The following ROBO3 variants were observed in gnomAD, a reference collection of about 807,000 sequenced individuals.
ROBO3 encodes roundabout guidance receptor 3.
A neutral mutation model predicts 160.5 loss-of-function variants in ROBO3; 97 were observed. The ratio of observed to expected loss-of-function variants is 0.60; its 90% CI spans 0.51 to 0.72. The LOEUF is 0.72. Ranked by LOEUF, ROBO3 falls within the 30% of genes least tolerant of loss-of-function variation. ROBO3 has a pLI of 0.00. For synonymous variants in ROBO3, 780 were observed against 746.2 expected (o/e 1.05, Z -0.74); for missense variants, 1,858 against 1,846.5 (o/e 1.01, Z -0.11).
Position 124,870,203 on chromosome 11 carries a change from G to C in ROBO3, c.805G>C (p.Val269Leu). The C allele has an allele frequency of 6.2e-7, 1 of 1,614,046 alleles. No homozygotes were observed. The highest frequency in any genetic ancestry group is 1.3e-5 in the African/African-American group (1 of 75,064). The change falls in exon 5 of 28, where the codon GTC becomes CTC. Residue 269 changes from valine (V) to leucine (L), a missense_variant. Val to Leu is a conservative substitution (Grantham distance 32). Transcript: ENST00000397801. ...CCTGCGCAGACCAGTGAATCAGGTGGTCCTGGCTGATGCCCCTGTGACTTT... is the reference window on the plus strand; with the variant it reads ...CCTGCGCAGACCAGTGAATCAGGTGCTCCTGGCTGATGCCCCTGTGACTTT... ...SFLRRPVNQV[V>L]LADAPVTFLC... is the part of the protein sequence containing the mutation.
chr11:124,879,393 C>T, intron 24 of ROBO3, 52 bp downstream of exon 24: 4 of 1,605,662 alleles, frequency 2.5e-6, no homozygotes, highest in Non-Finnish European at 3.4e-6. Flanking sequence ...GTGCTTGCTT[C>T]CCCTTCACCC....
At position 124,872,539 on chromosome 11, in the gene ROBO3, G is replaced by T. The variant is rs781501995; in HGVS notation, c.1317G>T (p.Leu439=). 1.2e-6 allele frequency: 2 copies of T among 1,613,286 alleles called. No homozygotes were observed. Among genetic ancestry groups the T allele is most frequent in the East Asian group, 4.5e-5 (2 of 44,866 alleles). Residue 439 remains leucine (L), a synonymous_variant, in exon 8 of 28, where the codon CTG becomes CTT. Transcript: ENST00000397801. The surrounding 1 kb of genome is among the most constrained non-coding windows in gnomAD (Gnocchi z 4.3). The part of the protein sequence containing the change: ...VAGSILAKAL[L]EIKGASLDGL... The stretch of plus-strand genomic sequence containing the variant: ...GCAGCATCCTGGCCAAGGCCCTGCT[G>T]GAGATAAAAGGAGGTACGTGCCCAT...
chr11:124,879,001 TG>T, intron 23 of ROBO3, 188 bp from the exon 24 acceptor site: 2 of 764,332 alleles, frequency 2.6e-6, no homozygotes, highest in Non-Finnish European at 4.2e-6. Flanking sequence ...CTTGCTGGAG[TG>T]GTCAGCACTC....
chr11:124,875,812 G>A, intron 15 of ROBO3, 127 bp downstream of exon 15: 5 of 1,448,410 alleles, frequency 3.5e-6, no homozygotes, highest in East Asian at 2.3e-5. Flanking sequence ...ATGAGTTTAG[G>A]GGAGAAGAGA....
In ROBO3 at chr11:124,877,992, C is replaced by A. The variant is rs568538420; in HGVS notation, c.3042C>A (p.Gly1014=). 6.2e-7 allele frequency: 1 copy of A among 1,611,338 alleles called. No homozygotes were observed. The highest frequency in any genetic ancestry group is 8.5e-7 in the Non-Finnish European group (1 of 1,178,820). ...AQTARGTAAP[G]EGPVYSTIDP... is the part of the protein sequence containing the mutation. Reference sequence around the variant, plus strand: ...CGGCCAGGGGCACGGCCGCCCCTGGCGAGGGTCCTGTCTATAGCACCATTG... The same window carrying A: ...CGGCCAGGGGCACGGCCGCCCCTGGAGAGGGTCCTGTCTATAGCACCATTG... The change falls in exon 21 of 28, where the codon GGC becomes GGA. Residue 1014 remains glycine (G), a synonymous_variant. Transcript: ENST00000397801.
At chr11:124,880,709 G>T (rs1258128266) in intron 27 of ROBO3, 101 bp downstream of exon 27, 1 of 1,425,642 alleles carries the variant, frequency 7.0e-7, no homozygotes, top group African/African-American at 1.4e-5. Context: ...TTGTGGAGGA[G>T]TGTCAAAAGG....
At chr11:124,879,416 C>T (rs1273394143) in intron 24 of ROBO3, 49 bp from the exon 25 acceptor site, 4 of 1,608,650 alleles carry the variant, frequency 2.5e-6, no homozygotes, top group Admixed American at 3.4e-5. Flanking sequence ...AGGCCTTTTT[C>T]CTGATTTTTG....
chr11:124,873,585 A>G lies in ROBO3; in HGVS notation c.1619-112A>G. 9.1e-7 allele frequency: 1 copy of G among 1,100,484 alleles called. No homozygotes were observed. Among genetic ancestry groups the G allele is most frequent in the Non-Finnish European group, 1.3e-6 (1 of 770,062 alleles). The allele number at this position is 1,100,484 out of a possible 1,614,324, so 68.2% of individuals were successfully genotyped here. A position where few individuals can be genotyped will look rare whatever the true frequency, so the allele number is the denominator to read the frequency against. On this transcript the variant is annotated intron_variant, in intron 10 of 27. Transcript: ENST00000397801. The surrounding 1 kb of genome is among the most constrained non-coding windows in gnomAD (Gnocchi z 4.5). Reference sequence around the variant, plus strand: ...AGTAGGGGTTCATATACTATAGCCCACTCTGACCATCACCGCAGCTCAGAG... The same window carrying G: ...AGTAGGGGTTCATATACTATAGCCCGCTCTGACCATCACCGCAGCTCAGAG...
rs868359557 is a variant in ROBO3 at position 124,870,271 on chromosome 11, G to A, written c.873G>A (p.Trp291Ter). The change falls in exon 5 of 28, where the codon TGG becomes TGA. Residue 291 changes from tryptophan to a stop codon, truncating the protein, a stop_gained. Transcript: ENST00000397801. LOFTEE classifies it high-confidence loss of function. The stretch of plus-strand genomic sequence containing the variant: ...GGGATCCCCCACCTCGTCTACGCTG[G>A]CGCAAGGAGGATGGGGAACTGCCCA... Reference protein sequence around the residue: ...VKGDPPPRLRWRKEDGELPTG... With the variant: ...VKGDPPPRLR 1.2e-6 allele frequency: 2 copies of A among 1,614,038 alleles called. No homozygotes were observed. The highest frequency in any genetic ancestry group is 3.3e-5 in the Admixed American group (2 of 60,032).
In ROBO3 at chr11:124,865,826, C is replaced by T. The variant is rs569578786; in HGVS notation, c.160+89C>T. ...GAAGGGAAGGAGAAGCGCTCCTGTC[C>T]CGAGGTCCGGGATTGAGTGGCGCCT... is the stretch of plus-strand genomic sequence containing the variant. On this transcript the variant is annotated intron_variant, in intron 1 of 27. Coordinates refer to ENST00000397801, the MANE Select transcript of ROBO3 (RefSeq NM_022370.4). The surrounding 1 kb of genome is among the most constrained non-coding windows in gnomAD (Gnocchi z 5.5). The T allele has an allele frequency of 5.5e-5, 77 of 1,407,022 alleles. No individual in the cohort carries two copies. Among genetic ancestry groups the T allele is most frequent in the African/African-American group, 8.6e-5 (6 of 70,164 alleles). The allele number at this position is 1,407,022 out of a possible 1,614,324, so 87.2% of individuals were successfully genotyped here. A position where few individuals can be genotyped will look rare whatever the true frequency, so the allele number is the denominator to read the frequency against.
rs529974844 is a variant in ROBO3, at chr11:124,875,871, T to C, written c.2422-83T>C. The C allele has an allele frequency of 1.1e-5, 16 of 1,495,964 alleles. No individual in the cohort carries two copies. The Admixed American group carries it at 1.4e-4, about 13-fold the overall frequency. 92.7% of individuals were successfully genotyped at this position (1,495,964 alleles called of 1,614,324 possible). On this transcript the variant is annotated intron_variant, in intron 15 of 27. Coordinates refer to ENST00000397801, the MANE Select transcript of ROBO3 (RefSeq NM_022370.4). ...GGTTGAATTACATCTGTATAAGGCTTCTCTACCATTTGGAGCCTTAAGTTT... is the reference window on the plus strand; with the variant it reads ...GGTTGAATTACATCTGTATAAGGCTCCTCTACCATTTGGAGCCTTAAGTTT...
chr11:124,875,935 C>A lies in ROBO3; in HGVS notation c.2422-19C>A. 1 of 1,585,646 alleles carries A rather than the reference C, an allele frequency of 6.3e-7. No homozygotes were observed. The highest frequency in any genetic ancestry group is 8.6e-7 in the Non-Finnish European group (1 of 1,165,958). The stretch of plus-strand genomic sequence containing the variant: ...AGAATCCCATTTCTGACTCTAAATC[C>A]GGGACTCGGCCTCCCTAGATCTGGT... On this transcript the variant is annotated intron_variant, in intron 15 of 27. Coordinates refer to ENST00000397801, the MANE Select transcript of ROBO3 (RefSeq NM_022370.4).
Position 124,879,560 on chromosome 11 carries a change from G to A in ROBO3, c.3781G>A (p.Glu1261Lys), listed in dbSNP as rs777396114. Residue 1261 changes from glutamate (E) to lysine (K), a missense_variant, in exon 25 of 28, where the codon GAG becomes AAG. Glu to Lys is a moderately conservative substitution (Grantham distance 56). Transcript: ENST00000397801. ...ACCCAAGGCTCTTCCCTACAGGAGG[G>A]AGAACAGTCCTGGGGGTGAGGGGGG... ...KKPKALPYRR[E>K]NSPGDLPPPP... 8.7e-6 allele frequency: 14 copies of A among 1,613,274 alleles called. No homozygotes were observed. The highest frequency in any genetic ancestry group is 1.2e-5 in the Non-Finnish European group (14 of 1,179,566).
rs374463614 is a variant in ROBO3, at chr11:124,875,290, G to C, written c.2253G>C (p.Gly751=). Residue 751 remains glycine (G), a synonymous_variant, in exon 14 of 28, where the codon GGG becomes GGC. Coordinates refer to ENST00000397801, the MANE Select transcript of ROBO3 (RefSeq NM_022370.4). The part of the protein sequence containing the change: ...QIKVQAQGQE[G]LGAESLSVTR... ...AGGTGCAAGCCCAAGGCCAGGAGGG[G>C]CTGGGGGCTGAAAGCCTCTCTGTGA... 1 of 1,613,730 alleles carries C rather than the reference G, an allele frequency of 6.2e-7. No individual in the cohort carries two copies. Among genetic ancestry groups the C allele is most frequent in the South Asian group, 1.1e-5 (1 of 91,066 alleles).
In ROBO3 at chr11:124,872,897, G is replaced by A. The variant is rs748415410; in HGVS notation, c.1344G>A (p.Gly448=). The A allele has an allele frequency of 6.2e-7, 1 of 1,605,536 alleles. No individual in the cohort carries two copies. Among genetic ancestry groups the A allele is most frequent in the Non-Finnish European group, 8.5e-7 (1 of 1,176,328 alleles). ...LLEIKGASLD[G]LPPVILQGPA... ...TTCCTCTCTCAGCCTCTTTGGATGG[G>A]CTGCCTCCTGTCATCCTCCAGGGAC... The change falls in exon 9 of 28, where the codon GGG becomes GGA. Residue 448 remains glycine, a synonymous_variant. Transcript: ENST00000397801. The surrounding 1 kb of genome is among the most constrained non-coding windows in gnomAD (Gnocchi z 4.3).
At position 124,871,013 on chromosome 11, in the gene ROBO3, G is replaced by A; in HGVS notation, c.1034-1G>A. ...TCCTTTTTCTCACCTGCCCTTCCCA[G>A]TCCCACCCCAGTTGGTGACCCAGCC... On this transcript the variant is annotated splice_acceptor_variant, in intron 6 of 27. Coordinates refer to ENST00000397801, the MANE Select transcript of ROBO3 (RefSeq NM_022370.4). LOFTEE classifies it high-confidence loss of function. 6.2e-7 allele frequency: 1 copy of A among 1,606,348 alleles called. No homozygotes were observed. Among genetic ancestry groups the A allele is most frequent in the East Asian group, 2.2e-5 (1 of 44,610 alleles).
Position 124,875,973 on chromosome 11 carries a change from A to G in ROBO3, c.2441A>G (p.Glu814Gly). 6.3e-7 allele frequency: 1 copy of G among 1,599,614 alleles called. No individual in the cohort carries two copies. Among genetic ancestry groups the G allele is most frequent in the Non-Finnish European group, 8.5e-7 (1 of 1,173,344 alleles). ...CCCTAGATCTGGTGCCTGGGCAATG[A>G]GAGCCGCTTTCACCTCAATCGATCT... is the stretch of plus-strand genomic sequence containing the variant. ...TEYQIWCLGN[E>G]SRFHLNRSAA... Residue 814 changes from glutamate to glycine, a missense_variant, in exon 16 of 28, where the codon GAG becomes GGG. Glu to Gly is a moderately conservative substitution (Grantham distance 98, BLOSUM62 -2). Transcript: ENST00000397801.
At position 124,876,044 on chromosome 11, in the gene ROBO3, G is replaced by C. The variant is rs761440764; in HGVS notation, c.2512G>C (p.Gly838Arg). ...RSAMLRGLVP[G>R]LLYRTLVAAA... Reference sequence around the variant, plus strand: ...CGCAATGCTCCGAGGACTGGTGCCCGGTCTCCTCTATCGAACCCTGGTCGC... The same window carrying C: ...CGCAATGCTCCGAGGACTGGTGCCCCGTCTCCTCTATCGAACCCTGGTCGC... Residue 838 changes from glycine (G) to arginine (R), a missense_variant, in exon 16 of 28, where the codon GGT becomes CGT. Physicochemically the swap from Gly to Arg is moderately radical, Grantham distance 125. Transcript: ENST00000397801. The surrounding 1 kb of genome is among the most constrained non-coding windows in gnomAD (Gnocchi z 5.3). 2.5e-6 allele frequency: 4 copies of C among 1,608,290 alleles called. No individual in the cohort carries two copies. Among genetic ancestry groups the C allele is most frequent in the Non-Finnish European group, 3.4e-6 (4 of 1,178,048 alleles).
rs756785207 is a variant in ROBO3 at position 124,876,469 on chromosome 11, C to T, written c.2779+9C>T. On this transcript the variant is annotated intron_variant, in intron 17 of 27. Transcript: ENST00000397801. The surrounding 1 kb of genome is among the most constrained non-coding windows in gnomAD (Gnocchi z 5.3). ...GCTCAGCCACTACACGGGTGAGCTC[C>T]CGGCCTCGGAGCGGACGGATCCGGG... is the stretch of plus-strand genomic sequence containing the variant. 12 of 1,381,900 alleles carry T rather than the reference C, an allele frequency of 8.7e-6. 1 individual carries two copies. In the East Asian group the frequency reaches 2.4e-4, roughly 27 times the overall value. 85.6% of individuals were successfully genotyped at this position (1,381,900 alleles called of 1,614,324 possible).
Sources: allele counts gnomAD v4.1 joint callset, GRCh38; gene constraint gnomAD v4.1.1; non-coding constraint Gnocchi (gnomAD v3.1); transcripts MANE v1.5; gene names NCBI Gene and HGNC (gene_info 2026-07-23, HGNC 2026-07-21).